The following SGIP1 variants were observed in gnomAD, a reference collection of about 807,000 sequenced individuals.
SGIP1 encodes SH3GL interacting endocytic adaptor 1.
In SGIP1, 38 loss-of-function variants were observed where a neutral mutation model predicts 107.5. The observed-to-expected ratio is 0.35, with a 90% confidence interval of 0.27 to 0.46. The LOEUF is 0.46. Ranked by LOEUF, SGIP1 falls within the 20% of genes least tolerant of loss-of-function variation. The probability of loss-of-function intolerance (pLI) is 1.00; values close to 1 mark genes in which losing one functional copy is unlikely to be tolerated. For synonymous variants in SGIP1, 365 were observed against 366.1 expected, an observed-to-expected ratio of 1.00 and a Z score of 0.03; for missense variants, 929 against 1,019.5, an observed-to-expected ratio of 0.91 and a Z score of 1.21.
intron 18 of SGIP1, among the ~76,000 whole-genome samples, chr1:66,710,565 G>C (rs1249802392): frequency 6.6e-6 from 1 of 152,084 alleles, no homozygotes; most frequent in Admixed American, 6.6e-5. Flanking sequence ...TCCTCATTCT[G>C]ATACACTTTT....
intron 7 of SGIP1, among the ~76,000 whole-genome samples, chr1:66,649,700 A>C (rs541047865): frequency 6.6e-6 from 1 of 152,292 alleles, no homozygotes; most frequent in South Asian, 2.1e-4. Flanking sequence ...TCAGTGCAGG[A>C]ATTAATTATA....
chr1:66,739,272 T>G, intron 21 of SGIP1, 63 bp from the exon 22 acceptor site: 1 of 1,545,764 alleles, frequency 6.5e-7, no homozygotes, highest in Non-Finnish European at 8.8e-7. Context: ...ATATGACATT[T>G]TGTTTGATGT....
At chr1:66,679,589 C>CT in intron 13 of SGIP1, 89 bp from the exon 14 acceptor site, 1 of 1,384,454 alleles carries the variant, frequency 7.2e-7, no homozygotes, top group Non-Finnish European at 9.9e-7. Flanking sequence ...AGGAATATAA[C>CT]TGAAAGCCCA....
chr1:66,556,679 G>C (rs2058225291), intron 1 of SGIP1, among the ~76,000 whole-genome samples: 1 of 151,528 alleles, frequency 6.6e-6, no homozygotes, highest in Non-Finnish European at 1.5e-5. Flanking sequence ...TTTGTGCAAG[G>C]TGCCCTACTT....
chr1:66,549,137 G>GCCTGCCTTCCTGCCTGCCTT (rs1051893057), intron 1 of SGIP1, among the ~76,000 whole-genome samples: 1 of 144,424 alleles, frequency 6.9e-6, no homozygotes, highest in African/African-American at 2.6e-5. Context: ...CTGGCTACCT[G>GCCTGCCTTCCTGCCTGCCTT]CCTTCCTTCC....
chr1:66,585,358 T>C (rs553344786), intron 1 of SGIP1, among the ~76,000 whole-genome samples: 1 of 152,216 alleles, frequency 6.6e-6, no homozygotes, highest in East Asian at 1.9e-4. Flanking sequence ...AAGTTTAATG[T>C]CTATTAGGCC....
chr1:66,649,663 AT>A (rs953561510), intron 7 of SGIP1, among the ~76,000 whole-genome samples: 6 of 152,288 alleles, frequency 3.9e-5, no homozygotes, highest in Non-Finnish European at 8.8e-5. Flanking sequence ...GAGTAAAATA[AT>A]TTTTGAAGGA....
chr1:66,664,715 T>C (rs2082177082), intron 8 of SGIP1, among the ~76,000 whole-genome samples: 1 of 152,198 alleles, frequency 6.6e-6, no homozygotes, highest in Non-Finnish European at 1.5e-5. Context: ...CCTAGCTTTC[T>C]TTGTGTTTGT....
intron 1 of SGIP1, among the ~76,000 whole-genome samples, chr1:66,591,890 G>C (rs1238548459): frequency 6.6e-6 from 1 of 152,180 alleles, no homozygotes; most frequent in African/African-American, 2.4e-5. Context: ...CCATGGGCAC[G>C]TAGGCCAGAT....
In SGIP1 at chr1:66,750,971, C is replaced by T. The variant is rs775593238; in HGVS notation, c.*7876C>T. Among the ~76,000 whole-genome samples, 3 of 152,152 alleles carry T rather than the reference C, an allele frequency of 2.0e-5. No individual in the cohort carries two copies. Among genetic ancestry groups the T allele is most frequent in the Admixed American group, 6.5e-5 (1 of 15,280 alleles). ...TTTTGTTCATAATTTTCCCAATCAC[C>T]TATTTCACAAAATCCTGAATATGCA... On this transcript the variant is annotated 3_prime_UTR_variant, in exon 25 of 25. Coordinates refer to ENST00000371037, the MANE Select transcript of SGIP1 (RefSeq NM_032291.4).
intron 18 of SGIP1, among the ~76,000 whole-genome samples, chr1:66,703,433 C>A (rs985633057): frequency 6.6e-6 from 1 of 151,808 alleles, no homozygotes; most frequent in Non-Finnish European, 1.5e-5. Context: ...TAAATGTTAA[C>A]CTAAGGTATG....
chr1:66,723,170 G>A (rs572641602), intron 19 of SGIP1, among the ~76,000 whole-genome samples: 18 of 152,104 alleles, frequency 1.2e-4, no homozygotes, highest in Non-Finnish European at 2.1e-4. Context: ...TCTATCACCA[G>A]GTGGAAATAA....
rs2094383126 is a variant in SGIP1, at chr1:66,739,626, G to A, written c.2234+89G>A. ...AGCACTTGCGTGTCCTGTAGGAGGA[G>A]ATGACAGCAGGCCTGTGCATTAGGG... is the stretch of plus-strand genomic sequence containing the variant. On this transcript the variant is annotated intron_variant, in intron 22 of 24. Transcript: ENST00000371037. The A allele has an allele frequency of 8.9e-6, 12 of 1,341,880 alleles. No homozygotes were observed. In the South Asian group the frequency reaches 1.4e-4, roughly 15 times the overall value. 83.1% of individuals were successfully genotyped at this position (1,341,880 alleles called of 1,614,324 possible). A position where few individuals can be genotyped will look rare whatever the true frequency, so the allele number is the denominator to read the frequency against.
chr1:66,597,519 G>C (rs1304603192), intron 1 of SGIP1, among the ~76,000 whole-genome samples: 1 of 152,156 alleles, frequency 6.6e-6, no homozygotes, highest in Non-Finnish European at 1.5e-5. Context: ...TATATTTTCA[G>C]CCAGAGATGG....
intron 15 of SGIP1, 99 bp from the exon 16 acceptor site, chr1:66,689,049 A>G: frequency 8.6e-6 from 1 of 116,246 alleles, no homozygotes; most frequent in Non-Finnish European, 1.1e-5. Flanking sequence ...TGCCAAGGCA[A>G]AAAAAAAAAA....
At chr1:66,694,501 G>A (rs751887188) in intron 17 of SGIP1, 5 of 1,601,468 alleles carry the variant, frequency 3.1e-6, no homozygotes, top group South Asian at 2.3e-5. Flanking sequence ...TGAAACGCCT[G>A]CAGGTATGGT....
At chr1:66,689,379 C>A in intron 16 of SGIP1, 104 bp downstream of exon 16, 2 of 1,407,256 alleles carry the variant, frequency 1.4e-6, no homozygotes, top group South Asian at 1.5e-5. Context: ...TACAAACAAC[C>A]CTGACAGGTG....
At chr1:66,701,882 A>T (rs2091949434) in intron 18 of SGIP1, among the ~76,000 whole-genome samples, 1 of 152,208 alleles carries the variant, frequency 6.6e-6, no homozygotes, top group African/African-American at 2.4e-5. Flanking sequence ...AGAGGACATA[A>T]ATGTACAGAA....
At chr1:66,567,001 G>A (rs1369581408) in intron 1 of SGIP1, among the ~76,000 whole-genome samples, 1 of 152,042 alleles carries the variant, frequency 6.6e-6, no homozygotes, top group Non-Finnish European at 1.5e-5. Context: ...TGAGGATGAT[G>A]GCTCCCAGCT....
Sources: allele counts gnomAD v4.1 joint callset (sites outside exome capture counted in the v4.1 genomes callset), GRCh38; gene constraint gnomAD v4.1.1; transcripts MANE v1.5; gene names NCBI Gene and HGNC (gene_info 2026-07-23, HGNC 2026-07-21).